CPEB3: variants seen among roughly 807,000 people sequenced by gnomAD.
CPEB3 encodes the protein cytoplasmic polyadenylation element-binding protein 3.
A neutral mutation model predicts 67.2 loss-of-function variants in CPEB3; 20 were observed. The ratio of observed to expected loss-of-function variants is 0.30; its 90% CI spans 0.21 to 0.43. The LOEUF (loss-of-function observed/expected upper bound fraction) is 0.43. Among genes scored for constraint, CPEB3 ranks in the 20% least tolerant of loss-of-function variants. The pLI is 1.00. For missense variants in CPEB3, 746 were observed against 968.6 expected, an observed-to-expected ratio of 0.77 and a Z score of 3.05; for synonymous variants, 376 against 393.1, an observed-to-expected ratio of 0.96 and a Z score of 0.51.
chr10:92,053,323 A>G (rs905610880), intron 9 of CPEB3, among the ~76,000 whole-genome samples: 1 of 151,832 alleles, frequency 6.6e-6, no homozygotes, highest in Admixed American at 6.6e-5. Flanking sequence ...TTCCTTTCCT[A>G]AAACTTTAGA....
intron 1 of CPEB3, among the ~76,000 whole-genome samples, chr10:92,286,860 T>C (rs935568216): frequency 2.6e-5 from 4 of 152,194 alleles, no homozygotes; most frequent in African/African-American, 7.2e-5. Flanking sequence ...TAGAGTGGTA[T>C]ATTATTTTAA....
intron 8 of CPEB3, among the ~76,000 whole-genome samples, chr10:92,091,131 T>C (rs997205632): frequency 5.1e-4 from 77 of 152,320 alleles, no homozygotes; most frequent in African/African-American, 1.8e-3. Context: ...GCTTTTTGTT[T>C]TAATTTTAGG....
intron 4 of CPEB3, among the ~76,000 whole-genome samples, chr10:92,145,313 G>A (rs1846626690): frequency 6.6e-6 from 1 of 151,958 alleles, no homozygotes; most frequent in Non-Finnish European, 1.5e-5. Context: ...GCCTTGGGAT[G>A]ACCAGATTGC....
intron 2 of CPEB3, among the ~76,000 whole-genome samples, chr10:92,215,045 G>A (rs1411685038): frequency 6.8e-6 from 1 of 146,834 alleles, no homozygotes; most frequent in Non-Finnish European, 1.5e-5. Flanking sequence ...GCGGGGTTTT[G>A]CCATGTTGGC....
intron 2 of CPEB3, among the ~76,000 whole-genome samples, chr10:92,227,711 C>A (rs1275583578): frequency 2.0e-5 from 3 of 151,528 alleles, no homozygotes; most frequent in Non-Finnish European, 4.4e-5. Flanking sequence ...CCTGCCTCAG[C>A]CTCCCGAGTA....
chr10:92,068,048 A>T (rs1245087463), intron 9 of CPEB3, among the ~76,000 whole-genome samples: 3 of 152,230 alleles, frequency 2.0e-5, no homozygotes, highest in African/African-American at 7.2e-5. Flanking sequence ...GGGTTATGAA[A>T]GATTTTAAAA....
chr10:92,055,161 T>A (rs1842064195), intron 9 of CPEB3, among the ~76,000 whole-genome samples: 1 of 152,384 alleles, frequency 6.6e-6, no homozygotes, highest in Non-Finnish European at 1.5e-5. Flanking sequence ...TGTAATACAT[T>A]TGTGCTGATA....
chr10:92,211,865 A>T (rs1850105725), intron 2 of CPEB3, among the ~76,000 whole-genome samples: 1 of 149,956 alleles, frequency 6.7e-6, no homozygotes, highest in African/African-American at 2.5e-5. Context: ...TTCTAAGATC[A>T]TATATCTTTT....
chr10:92,078,220 G>C (rs1202295549), intron 9 of CPEB3, among the ~76,000 whole-genome samples: 1 of 152,126 alleles, frequency 6.6e-6, no homozygotes, highest in East Asian at 1.9e-4. Context: ...ACCAGATCTA[G>C]ACCCAGGCCA....
rs921282032 is a variant in CPEB3 at position 92,118,662 on chromosome 10, C to CA, written c.1454-7469dup. The CA allele has an allele frequency of 9.3e-6, 6 of 647,014 alleles. No homozygotes were observed. The African/African-American group carries it at 1.1e-4, about 12-fold the overall frequency. The allele number at this position is 647,014 out of a possible 1,614,324, so 40.1% of individuals were successfully genotyped here. ...CTGAATGTGGAACCCAAGATGGCTG[C>CA]ACTCTTGCTGAGACATGTTGGTCGA... On this transcript the variant is annotated intron_variant, in intron 6 of 9. Transcript: ENST00000265997.
chr10:92,166,599 CA>C (rs1564832013), intron 4 of CPEB3, among the ~76,000 whole-genome samples: 1 of 152,298 alleles, frequency 6.6e-6, no homozygotes, highest in Non-Finnish European at 1.5e-5. Context: ...CAGGTCTCAA[CA>C]GTGGTTTTAA....
At chr10:92,133,570 A>G (rs1320975959) in intron 6 of CPEB3, among the ~76,000 whole-genome samples, 1 of 152,182 alleles carries the variant, frequency 6.6e-6, no homozygotes, top group Non-Finnish European at 1.5e-5. Context: ...ATTCACAGCC[A>G]AATTCTACCA....
intron 6 of CPEB3, among the ~76,000 whole-genome samples, chr10:92,112,109 T>C (rs988483517): frequency 1.6e-4 from 23 of 145,074 alleles, no homozygotes; most frequent in African/African-American, 5.9e-4. Flanking sequence ...AATACTAAAA[T>C]AAGCAAGACC....
chr10:92,197,336 A>T (rs1849290819), intron 2 of CPEB3, among the ~76,000 whole-genome samples: 1 of 152,220 alleles, frequency 6.6e-6, no homozygotes. Context: ...TTAACCAGGA[A>T]GTCTGCAAAA....
At chr10:92,135,233 C>T (rs1384970503) in intron 6 of CPEB3, among the ~76,000 whole-genome samples, 1 of 152,170 alleles carries the variant, frequency 6.6e-6, no homozygotes, top group Non-Finnish European at 1.5e-5. Flanking sequence ...AGGTAACCTA[C>T]AGAATAGGAG....
chr10:92,092,422 A>T (rs1843659658), intron 7 of CPEB3, among the ~76,000 whole-genome samples: 1 of 152,220 alleles, frequency 6.6e-6, no homozygotes, highest in Non-Finnish European at 1.5e-5. Flanking sequence ...CAGCAATATG[A>T]TTTAATACAG....
At chr10:92,080,639 G>C (rs992463401) in intron 9 of CPEB3, among the ~76,000 whole-genome samples, 12 of 151,904 alleles carry the variant, frequency 7.9e-5, no homozygotes, top group Admixed American at 7.2e-4. Flanking sequence ...TGTCGCCCAG[G>C]CTGGAGTGCA....
intron 4 of CPEB3, among the ~76,000 whole-genome samples, chr10:92,167,422 G>A (rs1224640261): frequency 6.6e-6 from 1 of 152,134 alleles, no homozygotes; most frequent in Non-Finnish European, 1.5e-5. Context: ...TCTTTCACTT[G>A]AACATTTTGA....
In CPEB3 at chr10:92,061,419, CAAAAAAAAAAAA is replaced by C. The variant is rs148327302; in HGVS notation, c.1870-8992_1870-8981del. 1.5e-4 allele frequency among the ~76,000 whole-genome samples: 14 copies of C among 93,356 alleles called. No individual in the cohort carries two copies. In the East Asian group the frequency reaches 2.2e-3, roughly 15 times the overall value. 61.2% of individuals were successfully genotyped at this position (93,356 alleles called of 152,430 possible). A position where few individuals can be genotyped will look rare whatever the true frequency, so the allele number is the denominator to read the frequency against. On this transcript the variant is annotated intron_variant, in intron 9 of 9. Transcript: ENST00000265997. Reference sequence around the variant, plus strand: ...GGGTGAAAAGAGCGAAATTCTGTCTCAAAAAAAAAAAAAAAAAAAAAAAACATATGAATAGAT... The same window carrying C: ...GGGTGAAAAGAGCGAAATTCTGTCTCAAAAAAAAAAAACATATGAATAGAT...
Sources: gnomAD v4.1 joint callset for allele counts (sites outside exome capture counted in the v4.1 genomes callset) on GRCh38, gnomAD v4.1.1 for gene constraint, MANE v1.5 for transcripts, NCBI Gene and HGNC (gene_info 2026-07-23, HGNC 2026-07-21) for gene names.